Variants in BPIFB2 observed in about 807,000 individuals in gnomAD.
BPIFB2 encodes the protein BPI fold-containing family B member 2.
BPIFB2 carries 39 observed loss-of-function variants against 50.1 expected under a neutral mutation model. The observed-to-expected ratio is 0.78, with a 90% CI of 0.60 to 1.02. The LOEUF (loss-of-function observed/expected upper bound fraction) is 1.02, where lower values mean the gene tolerates loss of function less well. BPIFB2 is among the 50% of genes least tolerant of loss of function. BPIFB2 has a pLI of 0.00. For missense variants in BPIFB2, 574 were observed against 585.8 expected (o/e 0.98, Z 0.21); for synonymous variants, 280 against 256.3 (o/e 1.09, Z -0.88).
Position 33,019,582 on chromosome 20 carries a change from G to T in BPIFB2, c.912G>T (p.Val304=). ...CTCCTCCGCCTCTGCCTCCCCAGGT[G>T]GCCCGCCAGTTTCCCGAGCCCATGC... ...TSALGRLIPE[V]ARQFPEPMPV... Residue 304 remains valine (V), a splice_region_variant and synonymous_variant, in exon 11 of 16, where the codon GTG becomes GTT. Transcript: ENST00000170150. 6.3e-7 allele frequency: 1 copy of T among 1,582,526 alleles called. No individual in the cohort carries two copies.
chr20:33,011,166 T>G, intron 3 of BPIFB2, 49 bp downstream of exon 3: 1 of 1,560,402 alleles, frequency 6.4e-7, no homozygotes, highest in Non-Finnish European at 8.8e-7. Flanking sequence ...CCAAGTGGAG[T>G]GTTCCTGCTT....
intron 5 of BPIFB2, among the ~76,000 whole-genome samples, chr20:33,015,207 G>A (rs143012951): frequency 0.013 from 1,968 of 152,270 alleles, 174 homozygotes; most frequent in Admixed American, 0.11. Flanking sequence ...CACATTCTTG[G>A]CCATTTCCAA....
intron 5 of BPIFB2, 140 bp from the exon 6 acceptor site, chr20:33,015,296 C>G (rs1978375984): frequency 1.5e-6 from 1 of 649,554 alleles, no homozygotes. Context: ...CTGTGTCTGG[C>G]AGATGGCAGG....
In BPIFB2 at chr20:33,011,210, C is replaced by T; in HGVS notation, c.203+93C>T. On this transcript the variant is annotated intron_variant, in intron 3 of 15. Coordinates refer to ENST00000170150, the MANE Select transcript of BPIFB2 (RefSeq NM_025227.3). Reference sequence around the variant, plus strand: ...GGTGCTTCAGTCCACCGGGCATGTGCTCCTGCCTGCTGGGCAGATGCTCCT... The same window carrying T: ...GGTGCTTCAGTCCACCGGGCATGTGTTCCTGCCTGCTGGGCAGATGCTCCT... 3.3e-6 allele frequency: 4 copies of T among 1,220,238 alleles called. No homozygotes were observed. The South Asian group carries it at 5.1e-5, about 16-fold the overall frequency. 75.6% of individuals were successfully genotyped at this position (1,220,238 alleles called of 1,614,324 possible).
Position 33,019,111 on chromosome 20 carries a change from C to T in BPIFB2, c.905C>T (p.Pro302Leu), listed in dbSNP as rs1171468443. 5 of 1,614,104 alleles carry T rather than the reference C, an allele frequency of 3.1e-6. No homozygotes were observed. Among genetic ancestry groups the T allele is most frequent in the African/African-American group, 2.7e-5 (2 of 74,998 alleles). The change falls in exon 10 of 16, where the codon CCG becomes CTG. Residue 302 changes from proline to leucine, a missense_variant. Pro to Leu is a moderately conservative substitution (Grantham distance 98). Transcript: ENST00000170150. Reference protein sequence around the residue: ...LNTSALGRLIPEVARQFPEPM... With the variant: ...LNTSALGRLILEVARQFPEPM... The stretch of plus-strand genomic sequence containing the variant: ...ACCTCTGCTCTGGGCCGGCTCATCC[C>T]GGAGGTCGGTGATGTTTCTGATCAT...
chr20:33,023,287 T>A (rs1036216172), intron 15 of BPIFB2, 55 bp from the exon 16 acceptor site: 1 of 1,560,040 alleles, frequency 6.4e-7, no homozygotes, highest in African/African-American at 1.4e-5. Flanking sequence ...AGGGGGCGGC[T>A]GGGGTCCTGC....
At chr20:33,017,246 A>C (rs968329963) in intron 7 of BPIFB2, 144 bp downstream of exon 7, 5 of 603,926 alleles carry the variant, frequency 8.3e-6, no homozygotes, top group African/African-American at 1.9e-5. Flanking sequence ...CTCCCAAAAC[A>C]GTGTAATTAT....
intron 2 of BPIFB2, among the ~76,000 whole-genome samples, 157 bp downstream of exon 2, chr20:33,008,840 G>A (rs62207502): frequency 0.042 from 6,401 of 152,310 alleles, 147 homozygotes; most frequent in Non-Finnish European, 0.044. Context: ...GACACATGGC[G>A]CTGCTCAACA....
intron 15 of BPIFB2, among the ~76,000 whole-genome samples, chr20:33,022,380 G>A (rs1978708079): frequency 6.6e-6 from 1 of 152,238 alleles, no homozygotes; most frequent in African/African-American, 2.4e-5. Context: ...ACCTGCTGAT[G>A]TAATTCCAGG....
intron 14 of BPIFB2, 120 bp from the exon 15 acceptor site, chr20:33,021,603 G>T (rs529484010): frequency 1.0e-4 from 113 of 1,083,254 alleles, no homozygotes; most frequent in Middle Eastern, 6.1e-4. Context: ...TGTAAAAGGG[G>T]TATAACAATA....
At chr20:33,017,004 GC>G in intron 6 of BPIFB2, 37 bp from the exon 7 acceptor site, 1 of 1,601,244 alleles carries the variant, frequency 6.2e-7, no homozygotes, top group Non-Finnish European at 8.6e-7. Context: ...CCCCAGGGCT[GC>G]CCTAACCCCA....
intron 7 of BPIFB2, among the ~76,000 whole-genome samples, chr20:33,017,620 C>T (rs760325970): frequency 2.0e-5 from 3 of 152,192 alleles, no homozygotes; most frequent in Admixed American, 6.5e-5. Context: ...GGAAGCTGGA[C>T]TTCTGTGATC....
chr20:33,016,053 G>A (rs4342010), intron 6 of BPIFB2, among the ~76,000 whole-genome samples: 45,045 of 151,958 alleles, frequency 0.3, 6,843 homozygotes, highest in African/African-American at 0.33. Context: ...CATTGTCTGC[G>A]TGGAGCTGAC....
chr20:33,017,072 G>T lies in BPIFB2; in HGVS notation c.547G>T (p.Gly183Cys). The change falls in exon 7 of 16, where the codon GGT (glycine) becomes TGT (cysteine). Residue 183 changes from glycine (G) to cysteine (C), a missense_variant. By Grantham distance (159) the Gly-to-Cys change is radical. Transcript: ENST00000170150. ...LCLSISNLVQ[G>C]VNVHLGTLIG... ...CCTGAGCATCTCCAACCTGGTGCAG[G>T]GTGTCAATGTCCACCTGGGCACCTT... 6.2e-7 allele frequency: 1 copy of T among 1,614,096 alleles called. No homozygotes were observed. Among genetic ancestry groups the T allele is most frequent in the Non-Finnish European group, 8.5e-7 (1 of 1,180,002 alleles).
At position 33,017,020 on chromosome 20, in the gene BPIFB2, CCTT is replaced by C. The variant is rs1420167540; in HGVS notation, c.517-19_517-17del. 6.2e-7 allele frequency: 1 copy of C among 1,613,260 alleles called. No individual in the cohort carries two copies. The highest frequency in any genetic ancestry group is 1.7e-5 in the Admixed American group (1 of 60,020). ...CCCAGGGCTGCCCTAACCCCAGCCTCCTTCTCTCTGTCTTACCACAGCTGTGCC... is the reference window on the plus strand; with the variant it reads ...CCCAGGGCTGCCCTAACCCCAGCCTCCTCTCTGTCTTACCACAGCTGTGCC... On this transcript the variant is annotated intron_variant, in intron 6 of 15. Transcript: ENST00000170150.
intron 3 of BPIFB2, 46 bp from the exon 4 acceptor site, chr20:33,012,757 A>G (rs376681063): frequency 7.4e-6 from 11 of 1,486,572 alleles, no homozygotes; most frequent in Non-Finnish European, 9.4e-6. Flanking sequence ...AGTTGATCCC[A>G]TGGTTTAATG....
chr20:33,018,362 C>G lies in BPIFB2; in HGVS notation c.669+12C>G. On this transcript the variant is annotated intron_variant, in intron 8 of 15. Transcript: ENST00000170150. ...CCCTGGAAGTCAATGTAAGTGCCTCCTGGCCAGCCCAGAGCTGGGGGCTTG... is the reference window on the plus strand; with the variant it reads ...CCCTGGAAGTCAATGTAAGTGCCTCGTGGCCAGCCCAGAGCTGGGGGCTTG... The G allele has an allele frequency of 1.2e-6, 2 of 1,601,104 alleles. No homozygotes were observed. The highest frequency in any genetic ancestry group is 8.6e-7 in the Non-Finnish European group (1 of 1,168,448).
At chr20:33,016,337 G>T (rs1008814422) in intron 6 of BPIFB2, among the ~76,000 whole-genome samples, 5 of 152,098 alleles carry the variant, frequency 3.3e-5, no homozygotes, top group Non-Finnish European at 1.5e-5. Context: ...TTTGTCTGTT[G>T]GTCCAGCCTC....
At chr20:33,011,201 G>A (rs571005654) in intron 3 of BPIFB2, 84 bp downstream of exon 3, 37 of 1,317,818 alleles carry the variant, frequency 2.8e-5, no homozygotes, top group East Asian at 1.9e-4. Context: ...TCAGTCCACC[G>A]GGCATGTGCT....
Sources: gnomAD v4.1 joint callset for allele counts (sites outside exome capture counted in the v4.1 genomes callset) on GRCh38, gnomAD v4.1.1 for gene constraint, MANE v1.5 for transcripts, NCBI Gene and HGNC (gene_info 2026-07-23, HGNC 2026-07-21) for gene names.